DOCK3: variants seen among roughly 807,000 people sequenced by gnomAD.
The protein encoded by DOCK3 is dedicator of cytokinesis 3.
Under a neutral mutation model 265.6 loss-of-function variants are expected in DOCK3, and 60 were observed. That is an observed-to-expected ratio of 0.23 (90% CI 0.18 to 0.28). The LOEUF (loss-of-function observed/expected upper bound fraction) is 0.28, where lower values mean the gene tolerates loss of function less well. Ranked by LOEUF, DOCK3 falls within the 10% of genes least tolerant of loss-of-function variation. The probability of loss-of-function intolerance (pLI) is 1.00; values close to 1 mark genes in which losing one functional copy is unlikely to be tolerated. For synonymous variants in DOCK3, 881 were observed against 938.0 expected (o/e 0.94, Z 1.11); for missense variants, 1,981 against 2,594.3 (o/e 0.76, Z 5.14).
intron 9 of DOCK3, among the ~76,000 whole-genome samples, chr3:51,119,378 C>T (rs80273382): frequency 6.6e-6 from 1 of 152,186 alleles, no homozygotes; most frequent in Non-Finnish European, 1.5e-5. Flanking sequence ...CCTGACCTTT[C>T]TCTCTGGCTG....
At chr3:51,266,470 C>T (rs2080176188) in intron 23 of DOCK3, among the ~76,000 whole-genome samples, 1 of 152,054 alleles carries the variant, frequency 6.6e-6, no homozygotes, top group South Asian at 2.1e-4. Flanking sequence ...GGTACTGGTA[C>T]CAAAACAGAT....
At chr3:51,062,089 A>C (rs778282197) in intron 5 of DOCK3, among the ~76,000 whole-genome samples, 16 of 152,126 alleles carry the variant, frequency 1.1e-4, no homozygotes, top group Non-Finnish European at 1.8e-4. Flanking sequence ...CTGTTGCACT[A>C]AATAGCCTCC....
chr3:50,807,642 G>T (rs1304935308), intron 2 of DOCK3, among the ~76,000 whole-genome samples: 1 of 152,194 alleles, frequency 6.6e-6, no homozygotes, highest in African/African-American at 2.4e-5. Context: ...AGGAAAAGTT[G>T]AAATAATCAT....
intron 24 of DOCK3, among the ~76,000 whole-genome samples, chr3:51,272,897 G>T (rs1029096398): frequency 5.3e-5 from 8 of 151,666 alleles, no homozygotes; most frequent in Non-Finnish European, 8.8e-5. Flanking sequence ...GGGCACGGTG[G>T]CTCACGCCTG....
chr3:51,328,340 T>C (rs985988405), intron 32 of DOCK3, among the ~76,000 whole-genome samples: 2 of 152,120 alleles, frequency 1.3e-5, no homozygotes, highest in African/African-American at 4.8e-5. Flanking sequence ...CAGGCCCGTC[T>C]CTTGGGGGCC....
intron 3 of DOCK3, among the ~76,000 whole-genome samples, chr3:50,866,705 G>A (rs751412417): frequency 2.6e-5 from 4 of 152,076 alleles, no homozygotes; most frequent in Non-Finnish European, 5.9e-5. Flanking sequence ...CTCAGTGTAT[G>A]TTCTGGGCAC....
Position 51,214,189 on chromosome 3 carries a change from A to G in DOCK3, c.1194A>G (p.Ile398Met). ...AGATTCGGAGAGAAAATCCCATGAT[A>G]TTTAATAGGGGATTGGCAATTACAA... ...MEQIRRENPMIFNRGLAITRK... is the reference protein window; with the variant it reads ...MEQIRRENPMMFNRGLAITRK... Residue 398 changes from isoleucine (I) to methionine (M), a missense_variant, in exon 14 of 53, where the codon ATA becomes ATG. By Grantham distance (10) the Ile-to-Met change is conservative (BLOSUM62 1). Around this residue, in one of 4 missense-constraint regions of DOCK3, gnomAD observed 456 missense variants for 539.0 expected, o/e 0.85. Coordinates refer to ENST00000266037, the MANE Select transcript of DOCK3 (RefSeq NM_004947.5). 1 of 1,613,806 alleles carries G rather than the reference A, an allele frequency of 6.2e-7. No homozygotes were observed. The highest frequency in any genetic ancestry group is 8.5e-7 in the Non-Finnish European group (1 of 1,179,828).
intron 5 of DOCK3, among the ~76,000 whole-genome samples, chr3:51,052,715 G>A (rs2081039495): frequency 6.6e-6 from 1 of 152,154 alleles, no homozygotes; most frequent in Non-Finnish European, 1.5e-5. Flanking sequence ...TGGCAGGGTA[G>A]CAACTATCAT....
chr3:50,933,163 A>G (rs527949217), intron 4 of DOCK3, among the ~76,000 whole-genome samples: 1 of 152,288 alleles, frequency 6.6e-6, no homozygotes, highest in African/African-American at 2.4e-5. Flanking sequence ...GCCACAACAC[A>G]TGGGAATTAT....
chr3:51,237,187 A>G (rs2078384117), intron 20 of DOCK3, among the ~76,000 whole-genome samples: 1 of 152,074 alleles, frequency 6.6e-6, no homozygotes, highest in South Asian at 2.1e-4. Context: ...CTACACGCAT[A>G]TTGTTTTGCC....
At chr3:50,707,308 A>G (rs563947553) in intron 1 of DOCK3, among the ~76,000 whole-genome samples, 1 of 151,602 alleles carries the variant, frequency 6.6e-6, no homozygotes, top group South Asian at 2.1e-4. Flanking sequence ...GTGGTAGGGC[A>G]TGCCTGTAAT....
chr3:50,722,769 G>GTTTTTTTTTTTTT (rs58505050), intron 1 of DOCK3, among the ~76,000 whole-genome samples: 1 of 135,110 alleles, frequency 7.4e-6, no homozygotes, highest in Non-Finnish European at 1.5e-5. Flanking sequence ...TCTTTTTCTT[G>GTTTTTTTTTTTTT]TTTTTTTTTT....
At chr3:51,034,902 C>A (rs1459713024) in intron 5 of DOCK3, among the ~76,000 whole-genome samples, 3 of 151,904 alleles carry the variant, frequency 2.0e-5, no homozygotes, top group Middle Eastern at 3.2e-3. Flanking sequence ...ATATGTTATT[C>A]CATTGTGGTC....
At chr3:51,255,166 CT>C (rs2079478546) in intron 22 of DOCK3, among the ~76,000 whole-genome samples, 1 of 152,176 alleles carries the variant, frequency 6.6e-6, no homozygotes, top group Non-Finnish European at 1.5e-5. Flanking sequence ...TTTGAAAATT[CT>C]TTTCTTTAAG....
intron 5 of DOCK3, among the ~76,000 whole-genome samples, chr3:51,050,584 T>C (rs1458899675): frequency 6.6e-6 from 1 of 152,104 alleles, no homozygotes; most frequent in African/African-American, 2.4e-5. Context: ...TGTCTGCAAG[T>C]TGGAAAACCA....
At chr3:51,132,790 G>A (rs977438419) in intron 9 of DOCK3, among the ~76,000 whole-genome samples, 2 of 152,276 alleles carry the variant, frequency 1.3e-5, no homozygotes, top group African/African-American at 4.8e-5. Context: ...CCTGCAACTT[G>A]GAATAGGGAC....
intron 5 of DOCK3, among the ~76,000 whole-genome samples, chr3:50,967,348 CT>C (rs2077064437): frequency 1.3e-5 from 2 of 152,174 alleles, no homozygotes; most frequent in Admixed American, 1.3e-4. Flanking sequence ...GCAGGACTTC[CT>C]TTTTTATGGC....
intron 22 of DOCK3, among the ~76,000 whole-genome samples, chr3:51,254,279 A>T (rs2079425406): frequency 6.6e-6 from 1 of 152,212 alleles, no homozygotes; most frequent in Non-Finnish European, 1.5e-5. Flanking sequence ...GGAGTGCTTT[A>T]CTTCCAACTA....
intron 2 of DOCK3, among the ~76,000 whole-genome samples, chr3:50,798,805 A>G (rs1236536499): frequency 6.6e-6 from 1 of 152,112 alleles, no homozygotes; most frequent in African/African-American, 2.4e-5. Flanking sequence ...GTGTAGACCA[A>G]TGTCCTGAAG....
Sources: gnomAD v4.1 joint callset for allele counts (sites outside exome capture counted in the v4.1 genomes callset) on GRCh38, gnomAD v4.1.1 for gene constraint, gnomAD v4.1.1 regional missense constraint, MANE v1.5 for transcripts, NCBI Gene and HGNC (gene_info 2026-07-23, HGNC 2026-07-21) for gene names.